MRFAP1L2: variants seen among roughly 807,000 people sequenced by gnomAD.
The protein encoded by MRFAP1L2 is Morf4 family associated protein 1 like 2.
chr4:6,674,729 T>C, the MRFAP1L2 span: 1 of 523,060 alleles, frequency 1.9e-6, no homozygotes, highest in Non-Finnish European at 3.3e-6. Context: ...AATAATTTGA[T>C]ATGTTGTTGT....
At chr4:6,674,290 CGG>C in the MRFAP1L2 span, 1 of 523,588 alleles carries the variant, frequency 1.9e-6, no homozygotes, top group East Asian at 3.5e-5. Context: ...CGCCCCGCGC[CGG>C]CCGCGAGAAC....
the MRFAP1L2 span, chr4:6,674,349 G>T: frequency 1.6e-6 from 1 of 634,086 alleles, no homozygotes; most frequent in Non-Finnish European, 2.8e-6. Flanking sequence ...TGGCGGGCCC[G>T]CAGGAAGCTG....
At chr4:6,674,375 C>T in the MRFAP1L2 span, 6 of 648,052 alleles carry the variant, frequency 9.3e-6, no homozygotes, top group African/African-American at 5.7e-5. Flanking sequence ...GATCCAGAGC[C>T]TGCTCGACGC....
the MRFAP1L2 span, chr4:6,674,670 C>T: frequency 1.5e-5 from 8 of 529,012 alleles, no homozygotes; most frequent in Non-Finnish European, 2.6e-5. Flanking sequence ...AGCCGTGCCA[C>T]GCTCTCCGCG....
chr4:6,674,135 G>C, the MRFAP1L2 span: 1 of 386,118 alleles, frequency 2.6e-6, no homozygotes, highest in Admixed American at 4.5e-5. Context: ...TCTGGTCGTT[G>C]GTGACAGCGA....
chr4:6,675,025 AG>A, the MRFAP1L2 span: 1 of 154,050 alleles, frequency 6.5e-6, no homozygotes, highest in East Asian at 1.9e-4. Context: ...TCACCTGATA[AG>A]GAGTCGTGGC....
At chr4:6,674,583 C>A in the MRFAP1L2 span, 1 of 628,586 alleles carries the variant, frequency 1.6e-6, no homozygotes. Flanking sequence ...GCCGGCGAGG[C>A]CGCGCGGGTC....
At chr4:6,674,460 A>C in the MRFAP1L2 span, 1 of 660,694 alleles carries the variant, frequency 1.5e-6, no homozygotes, top group South Asian at 1.6e-5. Context: ...GAGGCTGAGG[A>C]GCGGGTGGCT....
At chr4:6,675,445 C>T in the MRFAP1L2 span, 1 of 152,102 alleles carries the variant, frequency 6.6e-6, no homozygotes, top group African/African-American at 2.4e-5. Context: ...AACCCAAGCT[C>T]CTGTCAAAGT....
the MRFAP1L2 span, chr4:6,674,864 G>T: frequency 2.4e-3 from 836 of 348,000 alleles, 16 homozygotes; most frequent in East Asian, 0.038. Context: ...AGATTGGAGC[G>T]TTTGCGATGA....
chr4:6,675,742 T>TTA, the MRFAP1L2 span: 9 of 152,222 alleles, frequency 5.9e-5, no homozygotes, highest in African/African-American at 1.9e-4. Flanking sequence ...AACAACTTTG[T>TTA]TATAATACAG....
the MRFAP1L2 span, chr4:6,674,512 G>A: frequency 1.5e-6 from 1 of 671,490 alleles, no homozygotes; most frequent in Non-Finnish European, 2.7e-6. Context: ...CGGAGGCGGC[G>A]CGGATGGGCA....
the MRFAP1L2 span, chr4:6,674,606 C>T: frequency 6.7e-6 from 4 of 596,292 alleles, no homozygotes; most frequent in South Asian, 1.9e-5. Flanking sequence ...GAGCGGAGCG[C>T]GGCGGGGAGT....
At chr4:6,674,398 G>A in the MRFAP1L2 span, 1 of 655,666 alleles carries the variant, frequency 1.5e-6, no homozygotes. Flanking sequence ...TCAAGAGTGA[G>A]GTGGAGGCAG....
At chr4:6,674,296 C>G in the MRFAP1L2 span, 4 of 541,734 alleles carry the variant, frequency 7.4e-6, no homozygotes, top group African/African-American at 2.0e-5. Flanking sequence ...GCGCCGGCCG[C>G]GAGAACCTGG....
At chr4:6,674,405 G>A in the MRFAP1L2 span, 1 of 655,396 alleles carries the variant, frequency 1.5e-6, no homozygotes, top group African/African-American at 1.9e-5. Context: ...TGAGGTGGAG[G>A]CAGAGGAGCG....
chr4:6,674,437 C>T, the MRFAP1L2 span: 1 of 657,012 alleles, frequency 1.5e-6, no homozygotes, highest in Non-Finnish European at 2.7e-6. Context: ...CCCCAGCACC[C>T]CGCCCGCGTG....
At chr4:6,675,816 A>G in the MRFAP1L2 span, 4 of 152,246 alleles carry the variant, frequency 2.6e-5, no homozygotes, top group South Asian at 4.1e-4. Flanking sequence ...GAAAGCTTCA[A>G]GCTGGCCATG....
the MRFAP1L2 span, chr4:6,674,290 C>G: frequency 1.6e-4 from 82 of 523,588 alleles, no homozygotes; most frequent in Admixed American, 8.4e-4. Flanking sequence ...CGCCCCGCGC[C>G]GGCCGCGAGA....
Sources: allele counts gnomAD v4.1 joint callset, GRCh38; gene constraint gnomAD v4.1.1; transcripts MANE v1.5; gene names NCBI Gene and HGNC (gene_info 2026-07-23, HGNC 2026-07-21).